RALGAPB: variants seen among roughly 807,000 people sequenced by gnomAD.
RALGAPB encodes the protein Ral GTPase activating protein non-catalytic subunit beta.
RALGAPB carries 25 observed loss-of-function variants against 161.1 expected under a neutral mutation model. The ratio of observed to expected loss-of-function variants is 0.16; its 90% CI spans 0.11 to 0.22. RALGAPB has a LOEUF of 0.22. Ranked by LOEUF, RALGAPB falls within the 10% of genes least tolerant of loss-of-function variation. The pLI is 1.00. For missense variants in RALGAPB, 1,391 were observed against 1,815.2 expected, an observed-to-expected ratio of 0.77 and a Z score of 4.25; for synonymous variants, 629 against 626.1, an observed-to-expected ratio of 1.00 and a Z score of -0.07.
intron 13 of RALGAPB, among the ~76,000 whole-genome samples, chr20:38,530,288 G>C (rs192295615): frequency 6.6e-6 from 1 of 152,322 alleles, no homozygotes; most frequent in Admixed American, 6.5e-5. Context: ...CAGTAGTGCA[G>C]TATGTACTAC....
At chr20:38,540,160 C>T (rs951077654) in intron 17 of RALGAPB, among the ~76,000 whole-genome samples, 1 of 152,144 alleles carries the variant, frequency 6.6e-6, no homozygotes, top group South Asian at 2.1e-4. Context: ...CAAATTAACT[C>T]ATAGAGAAAT....
At chr20:38,551,390 G>A (rs1190510751) in intron 21 of RALGAPB, among the ~76,000 whole-genome samples, 167 bp downstream of exon 21, 1 of 152,172 alleles carries the variant, frequency 6.6e-6, no homozygotes, top group African/African-American at 2.4e-5. Context: ...GATTGTGGCT[G>A]ATCGAAAGGA....
intron 27 of RALGAPB, among the ~76,000 whole-genome samples, chr20:38,570,318 G>A (rs1471383045): frequency 6.6e-6 from 1 of 152,210 alleles, no homozygotes; most frequent in African/African-American, 2.4e-5. Context: ...TTGGAAAGGG[G>A]AAGGGGAAGC....
chr20:38,504,256 T>C (rs1263457759), intron 5 of RALGAPB, among the ~76,000 whole-genome samples: 2 of 152,106 alleles, frequency 1.3e-5, no homozygotes, highest in Non-Finnish European at 2.9e-5. Context: ...TGGAACAGAA[T>C]AGAGAACCCA....
Position 38,575,171 on chromosome 20 carries a change from A to C in RALGAPB, c.*204A>C. The C allele has an allele frequency of 1.9e-6, 1 of 527,692 alleles. No individual in the cohort carries two copies. The highest frequency in any genetic ancestry group is 2.7e-5 in the South Asian group (1 of 36,618). The allele number at this position is 527,692 out of a possible 1,614,324, so 32.7% of individuals were successfully genotyped here. A position where few individuals can be genotyped will look rare whatever the true frequency, so the allele number is the denominator to read the frequency against. ...GAAATGGGCTCCCAGACACAATCAC[A>C]CTCCTGCTGATAATGATGATATACA... is the stretch of plus-strand genomic sequence containing the variant. On this transcript the variant is annotated 3_prime_UTR_variant, in exon 30 of 30. Transcript: ENST00000262879.
At chr20:38,492,907 T>A in intron 2 of RALGAPB, 23 bp from the exon 3 acceptor site, 1 of 1,554,098 alleles carries the variant, frequency 6.4e-7, no homozygotes, top group Non-Finnish European at 8.9e-7. Context: ...AATAATTCTA[T>A]ATGGATATTT....
intron 23 of RALGAPB, among the ~76,000 whole-genome samples, chr20:38,561,761 G>A (rs1186201349): frequency 6.6e-6 from 1 of 152,134 alleles, no homozygotes. Context: ...CTTTGTTACG[G>A]GGGCTATCCT....
chr20:38,517,356 A>G (rs2086157552), intron 7 of RALGAPB, 150 bp from the exon 8 acceptor site: 14 of 645,540 alleles, frequency 2.2e-5, no homozygotes, highest in Non-Finnish European at 2.8e-5. Context: ...TTACTCAGGA[A>G]GAAATAGTGA....
rs2086412476 is a variant in RALGAPB at position 38,524,950 on chromosome 20, G to A, written c.1787+5G>A. On this transcript the variant is annotated splice_donor_5th_base_variant and intron_variant, in intron 11 of 29. Coordinates refer to ENST00000262879, the MANE Select transcript of RALGAPB (RefSeq NM_020336.4). ...TGAAACCATTTTGCCTGACAGGTAA[G>A]CTATCATTCTCTGCTATTATATCAA... 2 of 1,598,136 alleles carry A rather than the reference G, an allele frequency of 1.3e-6. No individual in the cohort carries two copies. Among genetic ancestry groups the A allele is most frequent in the East Asian group, 2.2e-5 (1 of 44,784 alleles).
At chr20:38,544,312 A>G (rs980645523) in intron 18 of RALGAPB, among the ~76,000 whole-genome samples, 14 of 150,992 alleles carry the variant, frequency 9.3e-5, no homozygotes, top group Admixed American at 9.2e-4. Context: ...AGCAGTCTTC[A>G]TGTTCTCTCT....
intron 2 of RALGAPB, among the ~76,000 whole-genome samples, chr20:38,490,033 G>A (rs6070345): frequency 0.039 from 5,722 of 148,282 alleles, 175 homozygotes; most frequent in African/African-American, 0.089. Flanking sequence ...TTTTTGAGAC[G>A]GAGTCTCGCT....
Position 38,516,655 on chromosome 20 carries a change from C to T in RALGAPB, c.1051+285C>T, listed in dbSNP as rs535177574. The T allele has an allele frequency of 5.3e-4, 147 of 277,884 alleles. 1 individual carries two copies. The highest frequency in any genetic ancestry group is 8.9e-4 in the Admixed American group (17 of 18,998). The allele number at this position is 277,884 out of a possible 1,614,324, so 17.2% of individuals were successfully genotyped here. On this transcript the variant is annotated intron_variant, in intron 7 of 29. Transcript: ENST00000262879. ...CCCACCTAATACATCAAACAAAGTGCTAAGAACAAGAATTAGGCCTAGTAG... is the reference window on the plus strand; with the variant it reads ...CCCACCTAATACATCAAACAAAGTGTTAAGAACAAGAATTAGGCCTAGTAG...
chr20:38,485,808 T>TA (rs1188057345), intron 1 of RALGAPB, among the ~76,000 whole-genome samples: 2 of 152,184 alleles, frequency 1.3e-5, no homozygotes, highest in Non-Finnish European at 2.9e-5. Context: ...TTCTAATGTT[T>TA]ATGTTCTCTT....
intron 1 of RALGAPB, among the ~76,000 whole-genome samples, chr20:38,482,892 T>C (rs2085013931): frequency 6.6e-6 from 1 of 152,024 alleles, no homozygotes; most frequent in South Asian, 2.1e-4. Flanking sequence ...ATCTACTATT[T>C]GCTTTTTTTT....
chr20:38,564,434 A>T (rs1042873192), intron 24 of RALGAPB, among the ~76,000 whole-genome samples: 42 of 152,320 alleles, frequency 2.8e-4, no homozygotes, highest in Admixed American at 9.2e-4. Context: ...TACCTTCACC[A>T]GAATTAGGTA....
Position 38,557,809 on chromosome 20 carries a change from C to T in RALGAPB, c.3373-486C>T, listed in dbSNP as rs561499652. Among the ~76,000 whole-genome samples the T allele has an allele frequency of 6.6e-5, 10 of 152,282 alleles. No homozygotes were observed. In the East Asian group the frequency reaches 7.7e-4, roughly 12 times the overall value. Reference sequence around the variant, plus strand: ...TTGAAAGACATCTTGATTGCTTCCACGTTTTGGTTATTATGAATAAAGCTG... The same window carrying T: ...TTGAAAGACATCTTGATTGCTTCCATGTTTTGGTTATTATGAATAAAGCTG... On this transcript the variant is annotated intron_variant, in intron 22 of 29. Transcript: ENST00000262879.
chr20:38,510,897 G>A lies in RALGAPB; in HGVS notation c.872+1689G>A, dbSNP rs1363018736. 2.7e-5 allele frequency among the ~76,000 whole-genome samples: 4 copies of A among 148,514 alleles called. No homozygotes were observed. The East Asian group carries it at 5.9e-4, about 22-fold the overall frequency. On this transcript the variant is annotated intron_variant, in intron 6 of 29. Coordinates refer to ENST00000262879, the MANE Select transcript of RALGAPB (RefSeq NM_020336.4). ...TGCACTCCAGCCTGGGCGACAGAGC[G>A]AGACTCCGTCTCAAAAAAAAAAAAA...
At chr20:38,482,698 G>C (rs960415599) in intron 1 of RALGAPB, among the ~76,000 whole-genome samples, 14 of 152,108 alleles carry the variant, frequency 9.2e-5, no homozygotes, top group African/African-American at 3.1e-4. Context: ...CAAAGTCCTG[G>C]GATTACAGGC....
intron 2 of RALGAPB, among the ~76,000 whole-genome samples, chr20:38,491,618 G>C (rs2085283723): frequency 6.6e-6 from 1 of 152,350 alleles, no homozygotes. Context: ...CTAGTTGGAA[G>C]ACCAGGGTTC....
Sources: allele counts gnomAD v4.1 joint callset (sites outside exome capture counted in the v4.1 genomes callset), GRCh38; gene constraint gnomAD v4.1.1; transcripts MANE v1.5; gene names NCBI Gene and HGNC (gene_info 2026-07-23, HGNC 2026-07-21).